Variants in ANK3 observed in about 807,000 individuals in gnomAD.
ANK3 encodes ankyrin-3.
ANK3 carries 57 observed loss-of-function variants against 370.9 expected under a neutral mutation model. The observed-to-expected ratio is 0.15, with a 90% CI of 0.12 to 0.19. The LOEUF (loss-of-function observed/expected upper bound fraction) is 0.19. ANK3 is among the 10% of genes least tolerant of loss of function. ANK3 has a pLI of 1.00. For synonymous variants in ANK3, 1,929 were observed against 1,946.3 expected, an observed-to-expected ratio of 0.99 and a Z score of 0.23; for missense variants, 4,439 against 5,302.1, an observed-to-expected ratio of 0.84 and a Z score of 5.06.
intron 1 of ANK3, among the ~76,000 whole-genome samples, chr10:60,283,163 T>C (rs2098191063): frequency 6.6e-6 from 1 of 152,164 alleles, no homozygotes; most frequent in South Asian, 2.1e-4. Context: ...GGGCAAATAT[T>C]GGATTCTTAA....
intron 1 of ANK3, among the ~76,000 whole-genome samples, chr10:60,618,849 A>C (rs1263741774): frequency 6.6e-6 from 1 of 152,096 alleles, no homozygotes; most frequent in African/African-American, 2.4e-5. Context: ...TTTGGCTCCT[A>C]TTCACCTGAC....
intron 3 of ANK3, 58 bp downstream of exon 3, chr10:60,278,992 C>A (rs190756960): frequency 6.3e-7 from 1 of 1,580,818 alleles, no homozygotes; most frequent in East Asian, 2.2e-5. Flanking sequence ...TTACTGAGGG[C>A]TGAATCCTCA....
intron 1 of ANK3, among the ~76,000 whole-genome samples, chr10:60,309,319 G>C (rs1433751711): frequency 6.6e-6 from 1 of 152,146 alleles, no homozygotes; most frequent in African/African-American, 2.4e-5. Context: ...ATATGTTCTT[G>C]AATATATAAA....
intron 1 of ANK3, among the ~76,000 whole-genome samples, chr10:60,299,020 T>G (rs2043130079): frequency 6.6e-6 from 1 of 152,206 alleles, no homozygotes; most frequent in African/African-American, 2.4e-5. Context: ...TGATACGATT[T>G]TTAGGACTCA....
intron 2 of ANK3, among the ~76,000 whole-genome samples, chr10:60,554,167 C>A (rs1196795849): frequency 1.3e-5 from 2 of 152,154 alleles, no homozygotes; most frequent in African/African-American, 4.8e-5. Flanking sequence ...CAAAATGCAT[C>A]TTTAAGTCTG....
chr10:60,123,619 G>C (rs909199083), intron 25 of ANK3, among the ~76,000 whole-genome samples: 1 of 152,208 alleles, frequency 6.6e-6, no homozygotes, highest in African/African-American at 2.4e-5. Context: ...AACTAACCCT[G>C]CAAGTTTCCT....
intron 2 of ANK3, among the ~76,000 whole-genome samples, chr10:60,526,717 G>A (rs1281072318): frequency 2.0e-5 from 3 of 152,096 alleles, no homozygotes; most frequent in South Asian, 2.1e-4. Flanking sequence ...AAAGAAATGA[G>A]AGACCCACAT....
In ANK3 at chr10:60,338,934, T is replaced by C. The variant is rs139670213; in HGVS notation, c.114+50491A>G. On this transcript the variant is annotated intron_variant, in intron 1 of 43. Transcript: ENST00000280772. ...GTTTGTTTGGTTGTCTCCAAATAAA[T>C]AGGAGCCGTATTTGGGTCTGGAAGC... Among the ~76,000 whole-genome samples the C allele has an allele frequency of 7.1e-3, 1,074 of 152,072 alleles. 9 individuals carry two copies. The highest frequency in any genetic ancestry group is 0.025 in the African/African-American group (1,033 of 41,472).
chr10:60,271,209 C>T lies in ANK3; in HGVS notation c.415-980G>A, dbSNP rs531023703. Among the ~76,000 whole-genome samples, 5 of 151,828 alleles carry T rather than the reference C, an allele frequency of 3.3e-5. No homozygotes were observed. The East Asian group carries it at 5.8e-4, about 18-fold the overall frequency. ...TTATTATTATTTTGAGACAGGGTCT[C>T]GCTCCATTGCTCTGTATCAAAATAA... On this transcript the variant is annotated intron_variant, in intron 4 of 43. Coordinates refer to ENST00000280772, the MANE Select transcript of ANK3 (RefSeq NM_020987.5).
chr10:60,060,347 C>T (rs1357035135), intron 40 of ANK3: 1 of 163,330 alleles, frequency 6.1e-6, no homozygotes, highest in African/African-American at 2.4e-5. Flanking sequence ...AGTTAGTTGT[C>T]ATTACATGAG....
intron 7 of ANK3, among the ~76,000 whole-genome samples, chr10:60,242,333 G>C (rs1215078820): frequency 6.6e-6 from 1 of 151,846 alleles, no homozygotes; most frequent in Non-Finnish European, 1.5e-5. Flanking sequence ...AGTAATATAT[G>C]GTATTATATG....
At chr10:60,635,020 A>G (rs1315784550) in intron 1 of ANK3, among the ~76,000 whole-genome samples, 3 of 152,210 alleles carry the variant, frequency 2.0e-5, no homozygotes, top group South Asian at 4.1e-4. Flanking sequence ...CAGTGAGACC[A>G]AGAACCCACC....
intron 1 of ANK3, among the ~76,000 whole-genome samples, chr10:60,293,447 A>C (rs2132763797): frequency 6.6e-6 from 1 of 152,352 alleles, no homozygotes; most frequent in Non-Finnish European, 1.5e-5. Flanking sequence ...TATCTGTTAT[A>C]CACATCTTAT....
intron 43 of ANK3, among the ~76,000 whole-genome samples, chr10:60,037,539 G>A (rs1341232475): frequency 2.0e-5 from 3 of 152,040 alleles, no homozygotes; most frequent in Admixed American, 1.3e-4. Context: ...GAGAACATAT[G>A]GTATTTGGTT....
chr10:60,534,121 C>T (rs2076669434), intron 2 of ANK3, among the ~76,000 whole-genome samples: 1 of 152,058 alleles, frequency 6.6e-6, no homozygotes, highest in Non-Finnish European at 1.5e-5. Context: ...AGAATAGTAA[C>T]AATAACAACA....
chr10:60,289,387 C>T (rs996333877), intron 1 of ANK3, among the ~76,000 whole-genome samples: 8 of 151,496 alleles, frequency 5.3e-5, no homozygotes, highest in Non-Finnish European at 1.5e-5. Flanking sequence ...TTCTCCCCTC[C>T]CCCTTTCTCT....
chr10:60,113,149 G>A (rs1015669562), intron 26 of ANK3, among the ~76,000 whole-genome samples: 1 of 151,508 alleles, frequency 6.6e-6, no homozygotes, highest in Non-Finnish European at 1.5e-5. Flanking sequence ...AGGCTACTCG[G>A]TGTGGTTTTT....
At chr10:60,386,004 G>A (rs1485727109) in intron 1 of ANK3, among the ~76,000 whole-genome samples, 1 of 152,146 alleles carries the variant, frequency 6.6e-6, no homozygotes, top group African/African-American at 2.4e-5. Flanking sequence ...AATGTGCTAG[G>A]ACTGCAGCCT....
intron 1 of ANK3, among the ~76,000 whole-genome samples, chr10:60,692,338 G>A (rs568610616): frequency 6.6e-6 from 1 of 152,282 alleles, no homozygotes; most frequent in Admixed American, 6.5e-5. Flanking sequence ...CAAGGTGTTG[G>A]CCTTTCTGTC....
Sources: gnomAD v4.1 joint callset for allele counts (sites outside exome capture counted in the v4.1 genomes callset) on GRCh38, gnomAD v4.1.1 for gene constraint, MANE v1.5 for transcripts, NCBI Gene and HGNC (gene_info 2026-07-23, HGNC 2026-07-21) for gene names.